ZNF79: variants seen among roughly 807,000 people sequenced by gnomAD.
ZNF79 encodes the protein ZNFpT7.
In ZNF79, 13 loss-of-function variants were observed where a neutral mutation model predicts 14.9. The ratio of observed to expected loss-of-function variants is 0.87; its 90% CI spans 0.57 to 1.38. ZNF79 has a LOEUF of 1.38. Among genes scored for constraint, ZNF79 ranks in the 40% most tolerant of loss-of-function variants. The pLI is 0.00. For synonymous variants in ZNF79, 223 were observed against 235.1 expected (o/e 0.95, Z 0.47); for missense variants, 631 against 630.6 (o/e 1.00, Z -0.01).
At chr9:127,429,637 GGTTTTGTTTT>G (rs1225450544) in intron 2 of ZNF79, among the ~76,000 whole-genome samples, 1 of 151,286 alleles carries the variant, frequency 6.6e-6, no homozygotes, top group Non-Finnish European at 1.5e-5. Flanking sequence ...CATCATTGTT[GGTTTTGTTTT>G]GTTTTGTTTT....
chr9:127,443,504 G>T (rs1834087556), intron 4 of ZNF79, among the ~76,000 whole-genome samples: 1 of 152,222 alleles, frequency 6.6e-6, no homozygotes, highest in Non-Finnish European at 1.5e-5. Context: ...TGGCAGCGCA[G>T]TAAGTTTATT....
chr9:127,431,876 A>C lies in ZNF79; in HGVS notation c.105+2956A>C, dbSNP rs577774975. 2.0e-5 allele frequency among the ~76,000 whole-genome samples: 3 copies of C among 152,160 alleles called. No homozygotes were observed. The East Asian group carries it at 5.8e-4, about 29-fold the overall frequency. Reference sequence around the variant, plus strand: ...TGCTTGTTTCTGTGGGCTTTGTTGAAGATCAGGTGGTTAGAGGTGTGCAAC... The same window carrying C: ...TGCTTGTTTCTGTGGGCTTTGTTGACGATCAGGTGGTTAGAGGTGTGCAAC... On this transcript the variant is annotated intron_variant, in intron 2 of 4. Coordinates refer to ENST00000342483, the MANE Select transcript of ZNF79 (RefSeq NM_007135.3).
intron 1 of ZNF79, among the ~76,000 whole-genome samples, chr9:127,425,365 T>C (rs1833731849): frequency 1.3e-5 from 2 of 152,238 alleles, no homozygotes; most frequent in African/African-American, 4.8e-5. Context: ...TTTGTTTACC[T>C]CTGAGAATTG....
chr9:127,439,234 A>G (rs898385936), intron 4 of ZNF79, among the ~76,000 whole-genome samples: 5 of 152,050 alleles, frequency 3.3e-5, no homozygotes, highest in African/African-American at 1.2e-4. Context: ...ATACACGTAT[A>G]TCTCATATCT....
Position 127,444,394 on chromosome 9 carries a change from C to G in ZNF79, c.694C>G (p.Gln232Glu), listed in dbSNP as rs749245479. Residue 232 changes from glutamine (Q) to glutamate (E), a missense_variant, in exon 5 of 5, where the codon CAG becomes GAG. By Grantham distance (29) the Gln-to-Glu change is conservative. Coordinates refer to ENST00000342483, the MANE Select transcript of ZNF79 (RefSeq NM_007135.3). ...CAGTGAATGTGGGAAGGCCTTCAGC[C>G]AGAGCTCATCTCTCATTCAGCACCA... ...ECSECGKAFS[Q>E]SSSLIQHQRI... 6.2e-7 allele frequency: 1 copy of G among 1,611,636 alleles called. No individual in the cohort carries two copies. The highest frequency in any genetic ancestry group is 1.3e-5 in the African/African-American group (1 of 74,586).
At chr9:127,436,345 A>G (rs1245335590) in intron 4 of ZNF79, among the ~76,000 whole-genome samples, 1 of 152,214 alleles carries the variant, frequency 6.6e-6, no homozygotes, top group Non-Finnish European at 1.5e-5. Flanking sequence ...AGCAAGAGTC[A>G]TCTTTGCTGG....
In ZNF79 at chr9:127,445,059, G is replaced by A. The variant is rs372475713; in HGVS notation, c.1359G>A (p.Ala453=). The change falls in exon 5 of 5, where the codon GCG becomes GCA. Residue 453 remains alanine, a synonymous_variant. Transcript: ENST00000342483. ...KPYECNECGK[A]FNQSSSLSQH... ...ATGAGTGTAATGAGTGTGGTAAAGCGTTTAACCAGAGCTCATCCCTTAGTC... is the reference window on the plus strand; with the variant it reads ...ATGAGTGTAATGAGTGTGGTAAAGCATTTAACCAGAGCTCATCCCTTAGTC... The A allele has an allele frequency of 7.4e-5, 119 of 1,612,202 alleles. No homozygotes were observed. The highest frequency in any genetic ancestry group is 1.0e-4 in the Admixed American group (6 of 59,878).
chr9:127,436,938 A>C (rs965053759), intron 4 of ZNF79, among the ~76,000 whole-genome samples: 1 of 152,030 alleles, frequency 6.6e-6, no homozygotes, highest in Non-Finnish European at 1.5e-5. Context: ...GGGCACATGT[A>C]ATGCCAGCTA....
intron 2 of ZNF79, among the ~76,000 whole-genome samples, chr9:127,433,306 A>G (rs1228990102): frequency 6.6e-6 from 1 of 152,166 alleles, no homozygotes; most frequent in Non-Finnish European, 1.5e-5. Context: ...ATGCTGCGGG[A>G]AAGGAGAGGA....
chr9:127,445,135 G>C lies in ZNF79; in HGVS notation c.1435G>C (p.Gly479Arg). ...GVKPYECSEC[G>R]KAFRCSSAFV... is the part of the protein sequence containing the mutation. Reference sequence around the variant, plus strand: ...GAAACCCTACGAATGCAGCGAGTGTGGGAAGGCCTTCCGGTGCAGCTCTGC... The same window carrying C: ...GAAACCCTACGAATGCAGCGAGTGTCGGAAGGCCTTCCGGTGCAGCTCTGC... Residue 479 changes from glycine (G) to arginine (R), a missense_variant, in exon 5 of 5, where the codon GGG becomes CGG. Physicochemically the swap from Gly to Arg is moderately radical, Grantham distance 125 (BLOSUM62 -2). Coordinates refer to ENST00000342483, the MANE Select transcript of ZNF79 (RefSeq NM_007135.3). 6.2e-7 allele frequency: 1 copy of C among 1,614,234 alleles called. No individual in the cohort carries two copies. Among genetic ancestry groups the C allele is most frequent in the Non-Finnish European group, 8.5e-7 (1 of 1,180,042 alleles).
intron 1 of ZNF79, among the ~76,000 whole-genome samples, chr9:127,428,312 C>A (rs988205242): frequency 2.0e-5 from 3 of 152,168 alleles, no homozygotes; most frequent in Admixed American, 1.3e-4. Flanking sequence ...GGTCTCTGAT[C>A]TATTTTGGGT....
At chr9:127,439,086 T>C (rs1834000973) in intron 4 of ZNF79, among the ~76,000 whole-genome samples, 1 of 147,342 alleles carries the variant, frequency 6.8e-6, no homozygotes, top group South Asian at 2.1e-4. Context: ...CACTCCAGCC[T>C]GGGCGACTAA....
In ZNF79 at chr9:127,428,924, A is replaced by G. The variant is rs371471794; in HGVS notation, c.105+4A>G. Reference sequence around the variant, plus strand: ...TCTCCTCACAGCTGGGCCCCGGGTAAGTTGGAAATTAACTTTGGAAGGCAT... The same window carrying G: ...TCTCCTCACAGCTGGGCCCCGGGTAGGTTGGAAATTAACTTTGGAAGGCAT... On this transcript the variant is annotated splice_donor_region_variant and intron_variant, in intron 2 of 4. Coordinates refer to ENST00000342483, the MANE Select transcript of ZNF79 (RefSeq NM_007135.3). 4 of 1,573,438 alleles carry G rather than the reference A, an allele frequency of 2.5e-6. No individual in the cohort carries two copies. The highest frequency in any genetic ancestry group is 3.5e-6 in the Non-Finnish European group (4 of 1,159,060).
At chr9:127,438,898 G>C (rs1833996968) in intron 4 of ZNF79, among the ~76,000 whole-genome samples, 2 of 152,184 alleles carry the variant, frequency 1.3e-5, no homozygotes, top group African/African-American at 4.8e-5. Context: ...ATCACCCGAG[G>C]TCAGGAGTTT....
intron 1 of ZNF79, among the ~76,000 whole-genome samples, chr9:127,427,529 C>G (rs111281006): frequency 0.022 from 3,223 of 145,204 alleles, 130 homozygotes; most frequent in African/African-American, 0.075. Context: ...TGTACCCAGT[C>G]AATAACTAAA....
rs142391279 is a variant in ZNF79, at chr9:127,433,486, G to A, written c.106-1604G>A. ...ATGATTTCTGCCTTAGGTTAATACC[G>A]TGTGTTATCTCCTGATTCATTTCTT... On this transcript the variant is annotated intron_variant, in intron 2 of 4. Coordinates refer to ENST00000342483, the MANE Select transcript of ZNF79 (RefSeq NM_007135.3). Among the ~76,000 whole-genome samples the A allele has an allele frequency of 5.7e-3, 869 of 152,268 alleles. 5 individuals carry two copies. Among genetic ancestry groups the A allele is most frequent in the Non-Finnish European group, 1.0e-2 (678 of 68,026 alleles).
intron 3 of ZNF79, 59 bp from the exon 4 acceptor site, chr9:127,435,846 GTTC>G: frequency 1.4e-6 from 2 of 1,384,598 alleles, no homozygotes; most frequent in Middle Eastern, 1.8e-4. Context: ...TCTCTCCTGA[GTTC>G]TGGGTGGCTG....
chr9:127,436,288 G>A (rs914051610), intron 4 of ZNF79, among the ~76,000 whole-genome samples: 9 of 152,218 alleles, frequency 5.9e-5, no homozygotes, highest in Non-Finnish European at 1.2e-4. Flanking sequence ...TTGGGGGCAC[G>A]TGTGATGTTC....
chr9:127,424,717 T>TGG lies in ZNF79; in HGVS notation c.-67_-66dup. 3 of 1,608,336 alleles carry TGG rather than the reference T, an allele frequency of 1.9e-6. No individual in the cohort carries two copies. Among genetic ancestry groups the TGG allele is most frequent in the Non-Finnish European group, 2.5e-6 (3 of 1,177,484 alleles). The stretch of plus-strand genomic sequence containing the variant: ...GTCAGAGCAGCCCTGCAGAACGGGG[T>TGG]GGGGGCTGCTGTAGATAGACCCTTA... On this transcript the variant is annotated 5_prime_UTR_variant, in exon 1 of 5. Coordinates refer to ENST00000342483, the MANE Select transcript of ZNF79 (RefSeq NM_007135.3).
Sources: allele counts gnomAD v4.1 joint callset (sites outside exome capture counted in the v4.1 genomes callset), GRCh38; gene constraint gnomAD v4.1.1; transcripts MANE v1.5; gene names NCBI Gene and HGNC (gene_info 2026-07-23, HGNC 2026-07-21).